The following PCDH15 variants were observed in gnomAD, a reference collection of about 807,000 sequenced individuals.
PCDH15 encodes the protein protocadherin related 15.
In PCDH15, 129 loss-of-function variants were observed where a neutral mutation model predicts 178.5. That is an observed-to-expected ratio of 0.72 (90% confidence interval 0.63 to 0.84). The LOEUF (loss-of-function observed/expected upper bound fraction) is 0.84, where lower values mean the gene tolerates loss of function less well. PCDH15 is among the 40% of genes least tolerant of loss of function. The probability of loss-of-function intolerance (pLI) is 0.00; values close to 1 mark genes in which losing one functional copy is unlikely to be tolerated. For synonymous variants in PCDH15, 800 were observed against 732.0 expected, an observed-to-expected ratio of 1.09 and a Z score of -1.50; for missense variants, 2,230 against 2,099.9, an observed-to-expected ratio of 1.06 and a Z score of -1.21.
intron 2 of PCDH15, among the ~76,000 whole-genome samples, chr10:54,936,373 T>C (rs1268633847): frequency 6.6e-6 from 1 of 152,018 alleles, no homozygotes; most frequent in Non-Finnish European, 1.5e-5. Flanking sequence ...TCGCATGTTT[T>C]CCCTTCTCTT....
chr10:54,174,346 C>T (rs1315550158), intron 13 of PCDH15, among the ~76,000 whole-genome samples: 1 of 151,684 alleles, frequency 6.6e-6, no homozygotes, highest in Non-Finnish European at 1.5e-5. Flanking sequence ...TCCTGGCTAA[C>T]ACGGTGAAAC....
Position 55,303,387 on chromosome 10 carries a change from G to A in PCDH15, c.-156+16212C>T, listed in dbSNP as rs11004799. On this transcript the variant is annotated intron_variant, in intron 1 of 5. Transcript: ENST00000458638. The stretch of plus-strand genomic sequence containing the variant: ...ATCATAGGGAATGGTGATACTAAGA[G>A]ATGCCCTAAGTTATCTCCTGTATTT... 6.6e-4 allele frequency among the ~76,000 whole-genome samples: 100 copies of A among 152,246 alleles called. 3 individuals are homozygous for A. The East Asian group carries it at 0.018, about 28-fold the overall frequency.
At chr10:55,006,023 C>T (rs1039043520) in intron 2 of PCDH15, among the ~76,000 whole-genome samples, 2 of 151,870 alleles carry the variant, frequency 1.3e-5, no homozygotes, top group South Asian at 2.1e-4. Context: ...TTTTGATCTA[C>T]ATATATGTTG....
intron 3 of PCDH15, among the ~76,000 whole-genome samples, chr10:54,810,303 A>G (rs1952842456): frequency 6.6e-6 from 1 of 152,060 alleles, no homozygotes; most frequent in Admixed American, 6.6e-5. Context: ...CACCTCATAT[A>G]CCAAAGAACA....
intron 1 of PCDH15, among the ~76,000 whole-genome samples, chr10:54,765,447 A>G (rs992120453): frequency 1.7e-4 from 26 of 152,146 alleles, no homozygotes; most frequent in African/African-American, 6.3e-4. Flanking sequence ...TGATGTCAAG[A>G]AAAAACTGGA....
intron 2 of PCDH15, among the ~76,000 whole-genome samples, chr10:55,412,222 A>G (rs1259306650): frequency 6.6e-6 from 1 of 152,008 alleles, no homozygotes; most frequent in African/African-American, 2.4e-5. Context: ...TCTCTCACTG[A>G]ATGGAGGGGA....
chr10:53,806,846 G>T lies in PCDH15; in HGVS notation c.4956C>A (p.Asn1652Lys). 6.2e-7 allele frequency: 1 copy of T among 1,613,842 alleles called. No homozygotes were observed. The highest frequency in any genetic ancestry group is 1.1e-5 in the South Asian group (1 of 91,074). Residue 1652 changes from asparagine (N) to lysine (K), a missense_variant, in exon 38 of 38, where the codon AAC (asparagine) becomes AAA (lysine). Physicochemically the swap from Asn to Lys is moderately conservative, Grantham distance 94. Transcript: ENST00000644397. ...AVTHEENVPL[N>K]TLSKGPFSTE... ...TAGAAAATGGCCCCTTTGATAATGT[G>T]TTCAGAGGTACATTCTCCTCATGTG... is the stretch of plus-strand genomic sequence containing the variant.
intron 3 of PCDH15, among the ~76,000 whole-genome samples, chr10:54,832,934 C>A (rs1327214615): frequency 6.6e-6 from 1 of 152,028 alleles, no homozygotes; most frequent in Non-Finnish European, 1.5e-5. Flanking sequence ...GGTAAGGAAA[C>A]TAAGACTTTT....
intron 2 of PCDH15, among the ~76,000 whole-genome samples, chr10:55,328,009 A>C (rs1301609092): frequency 6.6e-6 from 1 of 152,046 alleles, no homozygotes; most frequent in East Asian, 1.9e-4. Context: ...GGAAAGATTT[A>C]ATACAATAAC....
chr10:55,043,432 G>T lies in PCDH15; in HGVS notation c.-80+123144C>A, dbSNP rs574136921. Among the ~76,000 whole-genome samples the T allele has an allele frequency of 6.1e-4, 93 of 152,076 alleles. 1 individual carries two copies. The South Asian group carries it at 0.019, about 31-fold the overall frequency. ...CAGGAAAAACAAAATAAAACAAAAG[G>T]CTGGGCACAGTGACACCTGTAATCT... is the stretch of plus-strand genomic sequence containing the variant. On this transcript the variant is annotated intron_variant, in intron 2 of 5. Transcript: ENST00000458638.
intron 2 of PCDH15, among the ~76,000 whole-genome samples, chr10:55,044,230 C>T (rs1049699577): frequency 2.0e-5 from 3 of 152,126 alleles, no homozygotes; most frequent in Non-Finnish European, 4.4e-5. Context: ...AGAAATACTG[C>T]ACCATAGTCT....
intron 26 of PCDH15, among the ~76,000 whole-genome samples, chr10:53,901,441 G>T (rs1564724698): frequency 6.6e-6 from 1 of 151,946 alleles, no homozygotes; most frequent in African/African-American, 2.4e-5. Flanking sequence ...CCTTCTCAAG[G>T]TCTCCATAGC....
At chr10:55,057,849 T>C (rs1198563283) in intron 2 of PCDH15, among the ~76,000 whole-genome samples, 1 of 152,244 alleles carries the variant, frequency 6.6e-6, no homozygotes, top group Non-Finnish European at 1.5e-5. Context: ...ATTTTATTTT[T>C]ATTTGCATTC....
intron 2 of PCDH15, among the ~76,000 whole-genome samples, chr10:54,901,769 CT>C (rs1261686822): frequency 6.6e-6 from 1 of 152,042 alleles, no homozygotes. Context: ...CCTATTGCCT[CT>C]TTTAATAAAT....
intron 2 of PCDH15, among the ~76,000 whole-genome samples, chr10:55,392,855 G>A (rs1447442128): frequency 6.6e-6 from 1 of 151,968 alleles, no homozygotes; most frequent in Non-Finnish European, 1.5e-5. Context: ...CCTCTTACAA[G>A]TCAGACATAC....
At chr10:54,038,182 T>C (rs2093462887) in intron 18 of PCDH15, among the ~76,000 whole-genome samples, 1 of 151,980 alleles carries the variant, frequency 6.6e-6, no homozygotes, top group Non-Finnish European at 1.5e-5. Context: ...TATCATAAAC[T>C]AAATAGTGGG....
chr10:54,640,695 T>C lies in PCDH15; in HGVS notation c.91+23477A>G, dbSNP rs146637257. ...TTACTTATAAATGACAGGAATTTTA[T>C]ATGAGTTCTAAAATCAGAATAAGAG... is the stretch of plus-strand genomic sequence containing the variant. On this transcript the variant is annotated intron_variant, in intron 2 of 37. Transcript: ENST00000644397. Among the ~76,000 whole-genome samples, 792 of 152,046 alleles carry C rather than the reference T, an allele frequency of 5.2e-3. 12 individuals carry two copies. The highest frequency in any genetic ancestry group is 6.8e-3 in the Middle Eastern group (2 of 294).
At chr10:55,008,252 G>GA (rs5785107) in intron 2 of PCDH15, among the ~76,000 whole-genome samples, 70,746 of 148,260 alleles carry the variant, frequency 0.48, 17,309 homozygotes, top group South Asian at 0.57. Flanking sequence ...ATAAATCTTT[G>GA]AAAAAAAAAA....
At chr10:55,347,888 T>G (rs1361662697) in intron 2 of PCDH15, among the ~76,000 whole-genome samples, 1 of 152,106 alleles carries the variant, frequency 6.6e-6, no homozygotes, top group East Asian at 1.9e-4. Flanking sequence ...TTTATTTTTA[T>G]TTGATTCTCA....
Sources: allele counts gnomAD v4.1 joint callset (sites outside exome capture counted in the v4.1 genomes callset), GRCh38; gene constraint gnomAD v4.1.1; transcripts MANE v1.5; gene names NCBI Gene and HGNC (gene_info 2026-07-23, HGNC 2026-07-21).